Variants in NUP205 observed in about 807,000 individuals in gnomAD.
NUP205 encodes the protein nuclear pore complex protein Nup205.
NUP205 carries 76 observed loss-of-function variants against 253.8 expected under a neutral mutation model. The observed-to-expected ratio is 0.30, with a 90% CI of 0.25 to 0.36. The LOEUF (loss-of-function observed/expected upper bound fraction) is 0.36, where lower values mean the gene tolerates loss of function less well. NUP205 is among the 10% of genes least tolerant of loss of function. NUP205 has a pLI of 1.00. For synonymous variants in NUP205, 832 were observed against 850.1 expected, an observed-to-expected ratio of 0.98 and a Z score of 0.37; for missense variants, 2,162 against 2,425.5, an observed-to-expected ratio of 0.89 and a Z score of 2.28.
chr7:135,575,110 A>G (rs1363246554), intron 3 of NUP205, among the ~76,000 whole-genome samples: 1 of 152,230 alleles, frequency 6.6e-6, no homozygotes, highest in Non-Finnish European at 1.5e-5. Flanking sequence ...CAACTAGTGT[A>G]AATACGCTCA....
At chr7:135,646,613 A>T (rs533118370) in intron 42 of NUP205, among the ~76,000 whole-genome samples, 1 of 152,210 alleles carries the variant, frequency 6.6e-6, no homozygotes, top group African/African-American at 2.4e-5. Context: ...ATAAATAAAT[A>T]AATGAATGAA....
Position 135,614,287 on chromosome 7 carries a change from T to C in NUP205, c.3310+14T>C. The C allele has an allele frequency of 7.8e-7, 1 of 1,282,852 alleles. No homozygotes were observed. Among genetic ancestry groups the C allele is most frequent in the Non-Finnish European group, 1.1e-6 (1 of 878,912 alleles). 79.5% of individuals were successfully genotyped at this position (1,282,852 alleles called of 1,614,324 possible). On this transcript the variant is annotated intron_variant, in intron 23 of 42. Transcript: ENST00000285968. Reference sequence around the variant, plus strand: ...TTTCTAACAAAGGTAGGCCATTATTTTCCCGTATTTATAAGAACACATTTA... The same window carrying C: ...TTTCTAACAAAGGTAGGCCATTATTCTCCCGTATTTATAAGAACACATTTA...
intron 30 of NUP205, among the ~76,000 whole-genome samples, chr7:135,621,830 C>A (rs1279444765): frequency 6.6e-6 from 1 of 152,036 alleles, no homozygotes; most frequent in African/African-American, 2.4e-5. Flanking sequence ...TGAGACAGAG[C>A]TTCACTCTGT....
At chr7:135,578,175 A>G (rs1806205587) in intron 6 of NUP205, 151 bp downstream of exon 6, 1 of 589,562 alleles carries the variant, frequency 1.7e-6, no homozygotes, top group African/African-American at 1.9e-5. Flanking sequence ...TATATATAAG[A>G]TCACATTTAA....
At chr7:135,598,435 G>A (rs1267092837) in intron 15 of NUP205, among the ~76,000 whole-genome samples, 2 of 152,178 alleles carry the variant, frequency 1.3e-5, no homozygotes, top group Non-Finnish European at 2.9e-5. Flanking sequence ...ATTGATAGGA[G>A]TTCATATTTC....
chr7:135,567,176 A>C (rs74379904), intron 1 of NUP205, among the ~76,000 whole-genome samples: 3,645 of 108,272 alleles, frequency 0.034, 382 homozygotes, highest in South Asian at 0.097. Flanking sequence ...ATATATATAT[A>C]TATATGTATA....
chr7:135,610,061 T>C (rs1474204176), intron 22 of NUP205, among the ~76,000 whole-genome samples: 2 of 152,200 alleles, frequency 1.3e-5, no homozygotes, highest in African/African-American at 2.4e-5. Flanking sequence ...CAGGATTTGT[T>C]GGGCCAGATT....
intron 42 of NUP205, among the ~76,000 whole-genome samples, chr7:135,647,793 C>G (rs1009287392): frequency 2.0e-5 from 3 of 147,086 alleles, no homozygotes; most frequent in Non-Finnish European, 3.0e-5. Context: ...AAACTGAAAA[C>G]AGGTAGATTG....
In NUP205 at chr7:135,626,305, T is replaced by C. The variant is rs757186358; in HGVS notation, c.4737T>C (p.Ile1579=). The C allele has an allele frequency of 1.2e-6, 2 of 1,614,032 alleles. No homozygotes were observed. The highest frequency in any genetic ancestry group is 8.5e-7 in the Non-Finnish European group (1 of 1,180,026). The change falls in exon 33 of 43, where the codon ATT becomes ATC. Residue 1579 remains isoleucine (I), a synonymous_variant. Coordinates refer to ENST00000285968, the MANE Select transcript of NUP205 (RefSeq NM_015135.3). ...TAGAGCTGCTAAGATCAGGGGTGAT[T>C]GTGAGACTAGCTCAATGCCAAGTCT... ...GALELLRSGV[I]VRLAQCQVYD... is the part of the protein sequence containing the mutation.
intron 35 of NUP205, among the ~76,000 whole-genome samples, chr7:135,631,526 C>T (rs1038414335): frequency 6.6e-5 from 10 of 152,108 alleles, no homozygotes; most frequent in Admixed American, 3.3e-4. Context: ...TTTACACTTC[C>T]TCTTCCACCC....
chr7:135,615,077 A>G (rs1186420266), intron 23 of NUP205, among the ~76,000 whole-genome samples: 4 of 152,208 alleles, frequency 2.6e-5, no homozygotes, highest in African/African-American at 9.6e-5. Context: ...AGAAGCTTTT[A>G]GAAACCCTCT....
Position 135,594,606 on chromosome 7 carries a change from T to A in NUP205, c.1890T>A (p.Ile630=). Residue 630 remains isoleucine (I), a synonymous_variant, in exon 13 of 43, where the codon ATT becomes ATA. Coordinates refer to ENST00000285968, the MANE Select transcript of NUP205 (RefSeq NM_015135.3). ...CTCAGTGGACCCCTGTTGTGGTGATTCTGGGACTCCTCCAATGCAGTATTC... is the reference window on the plus strand; with the variant it reads ...CTCAGTGGACCCCTGTTGTGGTGATACTGGGACTCCTCCAATGCAGTATTC... The part of the protein sequence containing the change: ...EHPQWTPVVV[I]LGLLQCSIPP... The A allele has an allele frequency of 6.2e-7, 1 of 1,613,822 alleles. No homozygotes were observed. The highest frequency in any genetic ancestry group is 1.7e-5 in the Admixed American group (1 of 59,980).
At chr7:135,592,172 T>C (rs1027213963) in intron 11 of NUP205, among the ~76,000 whole-genome samples, 1 of 152,340 alleles carries the variant, frequency 6.6e-6, no homozygotes, top group African/African-American at 2.4e-5. Flanking sequence ...GGAGCTGAAA[T>C]CGGCTTGGCT....
chr7:135,617,502 G>T, intron 26 of NUP205, 100 bp from the exon 27 acceptor site: 1 of 867,858 alleles, frequency 1.2e-6, no homozygotes. Context: ...AAAGGTATCT[G>T]ACACCTTTCC....
intron 34 of NUP205, 55 bp downstream of exon 34, chr7:135,628,166 G>A: frequency 6.5e-7 from 1 of 1,540,932 alleles, no homozygotes; most frequent in Non-Finnish European, 8.9e-7. Context: ...CATTTTACAA[G>A]TACAGAAACC....
At chr7:135,615,433 A>G (rs948836959) in intron 23 of NUP205, among the ~76,000 whole-genome samples, 1 of 152,290 alleles carries the variant, frequency 6.6e-6, no homozygotes, top group Non-Finnish European at 1.5e-5. Flanking sequence ...AAACTATTGT[A>G]TAAGTGATTC....
chr7:135,617,538 T>C (rs1427877813), intron 26 of NUP205, 64 bp from the exon 27 acceptor site: 2 of 1,208,720 alleles, frequency 1.7e-6, no homozygotes, highest in Non-Finnish European at 2.4e-6. Context: ...TGGTAATTGC[T>C]AGGTGTTACT....
chr7:135,575,496 T>TA (rs1294341497), intron 3 of NUP205, among the ~76,000 whole-genome samples: 2 of 151,106 alleles, frequency 1.3e-5, no homozygotes, highest in Non-Finnish European at 3.0e-5. Flanking sequence ...AAAGTACTCT[T>TA]AAAAAAAAAG....
Position 135,638,700 on chromosome 7 carries a change from A to G in NUP205, c.5392+17A>G. ...CGCGGCAAGGTGAGCTTAGTTTTTCATTCTGTATTGAAGGAACTAAGTTGC... is the reference window on the plus strand; with the variant it reads ...CGCGGCAAGGTGAGCTTAGTTTTTCGTTCTGTATTGAAGGAACTAAGTTGC... On this transcript the variant is annotated intron_variant, in intron 38 of 42. Transcript: ENST00000285968. 1 of 1,614,050 alleles carries G rather than the reference A, an allele frequency of 6.2e-7. No homozygotes were observed.
Sources: allele counts gnomAD v4.1 joint callset (sites outside exome capture counted in the v4.1 genomes callset), GRCh38; gene constraint gnomAD v4.1.1; transcripts MANE v1.5; gene names NCBI Gene and HGNC (gene_info 2026-07-23, HGNC 2026-07-21).